SEZ6: variants seen among roughly 807,000 people sequenced by gnomAD.
The protein encoded by SEZ6 is seizure related 6 homolog.
SEZ6 carries 53 observed loss-of-function variants against 101.0 expected under a neutral mutation model. That is an observed-to-expected ratio of 0.52 (90% confidence interval 0.42 to 0.66). The LOEUF (loss-of-function observed/expected upper bound fraction) is 0.66, where lower values mean the gene tolerates loss of function less well. Ranked by LOEUF, SEZ6 falls within the 30% of genes least tolerant of loss-of-function variation. The pLI, the probability that SEZ6 is intolerant of heterozygous loss-of-function variation, is 0.00. For missense variants in SEZ6, 1,102 were observed against 1,289.4 expected (o/e 0.85, Z 2.23); for synonymous variants, 488 against 512.2 (o/e 0.95, Z 0.64).
Position 28,959,814 on chromosome 17 carries a change from C to T in SEZ6, c.1655G>A (p.Gly552Asp), listed in dbSNP as rs1364562946. ...FSSSTPTYPV[G>D]TTVEFSCDPG... ...GTCGCAGCTGAACTCCACAGTGGTA[C>T]CCACAGGGTAGGTGGGTGTGCTGCT... The change falls in exon 8 of 17, where the codon GGT becomes GAT. Residue 552 changes from glycine (G) to aspartate (D), a missense_variant. Gly to Asp is a moderately conservative substitution (Grantham distance 94, BLOSUM62 -1). Around this residue, in one of 3 missense-constraint regions of SEZ6, gnomAD observed 556 missense variants for 735.1 expected, o/e 0.76. Transcript: ENST00000317338. The surrounding 1 kb of genome is among the most constrained non-coding windows in gnomAD (Gnocchi z 4.4). The T allele has an allele frequency of 6.2e-7, 1 of 1,613,940 alleles. No homozygotes were observed. Among genetic ancestry groups the T allele is most frequent in the Non-Finnish European group, 8.5e-7 (1 of 1,179,862 alleles).
intron 1 of SEZ6, among the ~76,000 whole-genome samples, chr17:28,984,446 C>G (rs1200270605): frequency 6.6e-6 from 1 of 152,166 alleles, no homozygotes; most frequent in African/African-American, 2.4e-5. Flanking sequence ...GAGTAGGTAC[C>G]TGTGTGACTC....
At chr17:28,992,156 C>T (rs1042126727) in intron 1 of SEZ6, among the ~76,000 whole-genome samples, 4 of 152,190 alleles carry the variant, frequency 2.6e-5, no homozygotes, top group Admixed American at 2.6e-4. Flanking sequence ...AGCTGTCTTC[C>T]ACCTAGAGTG....
At chr17:28,996,395 G>A (rs989844497) in intron 1 of SEZ6, among the ~76,000 whole-genome samples, 1 of 152,078 alleles carries the variant, frequency 6.6e-6, no homozygotes, top group Admixed American at 6.5e-5. Context: ...AAGGGGCCCC[G>A]CCCACCCAGC....
chr17:28,955,805 CG>C lies in SEZ6; in HGVS notation c.*156del. Reference sequence around the variant, plus strand: ...AATAGGCCATGGTGGGCATCGCAGGCGGGGAAGGGCACAACTTCTTGAGGGC... The same window carrying C: ...AATAGGCCATGGTGGGCATCGCAGGCGGGAAGGGCACAACTTCTTGAGGGC... On this transcript the variant is annotated 3_prime_UTR_variant, in exon 17 of 17. Transcript: ENST00000317338. 1 of 863,830 alleles carries C rather than the reference CG, an allele frequency of 1.2e-6. No homozygotes were observed. The highest frequency in any genetic ancestry group is 1.9e-6 in the Non-Finnish European group (1 of 524,280). 53.5% of individuals were successfully genotyped at this position (863,830 alleles called of 1,614,324 possible). A position where few individuals can be genotyped will look rare whatever the true frequency, so the allele number is the denominator to read the frequency against.
At chr17:28,976,653 T>A (rs2041225289) in intron 3 of SEZ6, among the ~76,000 whole-genome samples, 1 of 152,176 alleles carries the variant, frequency 6.6e-6, no homozygotes, top group Admixed American at 6.5e-5. Context: ...CTGACACAAC[T>A]GTCAGCCTGG....
At chr17:29,004,394 G>T (rs912661175) in intron 1 of SEZ6, among the ~76,000 whole-genome samples, 17 of 152,154 alleles carry the variant, frequency 1.1e-4, no homozygotes, top group African/African-American at 3.9e-4. Context: ...GGGTCTTGCA[G>T]GACTCTTCCC....
At chr17:28,956,566 T>C (rs1187550869) in intron 14 of SEZ6, 99 bp from the exon 15 acceptor site, 1 of 1,456,408 alleles carries the variant, frequency 6.9e-7, no homozygotes, top group African/African-American at 1.4e-5. Context: ...CAGCTCCCTC[T>C]AGCTGGCTGG....
Position 28,956,201 on chromosome 17 carries a change from A to G in SEZ6, c.2910T>C (p.Ile970=). Residue 970 remains isoleucine (I), a synonymous_variant, in exon 16 of 17, where the codon ATT becomes ATC. Coordinates refer to ENST00000317338, the MANE Select transcript of SEZ6 (RefSeq NM_178860.5). ...GATTGTCAAACGCTGACTCTATGGT[A>G]ATGCGGTTGTAGGGGCGGGGGCGGG... ...PRPRPRPYNR[I]TIESAFDNPT... The G allele has an allele frequency of 3.9e-6, 2 of 516,148 alleles. No homozygotes were observed. Among genetic ancestry groups the G allele is most frequent in the Non-Finnish European group, 6.8e-6 (2 of 292,314 alleles). 32.0% of individuals were successfully genotyped at this position (516,148 alleles called of 1,614,324 possible).
intron 1 of SEZ6, among the ~76,000 whole-genome samples, chr17:28,983,772 GC>G (rs1311313497): frequency 6.6e-6 from 1 of 152,088 alleles, no homozygotes; most frequent in African/African-American, 2.4e-5. Flanking sequence ...GGGAAACACA[GC>G]CGGGGTGAGA....
Position 28,958,114 on chromosome 17 carries a change from T to C in SEZ6, c.2135A>G (p.Glu712Gly). 1 of 1,601,952 alleles carries C rather than the reference T, an allele frequency of 6.2e-7. No individual in the cohort carries two copies. The change falls in exon 11 of 17, where the codon GAG becomes GGG. Residue 712 changes from glutamate to glycine, a missense_variant. By Grantham distance (98) the Glu-to-Gly change is moderately conservative (BLOSUM62 -2). Coordinates refer to ENST00000317338, the MANE Select transcript of SEZ6 (RefSeq NM_178860.5). ...CCAGCCATTGGGGATCTCAGGCAGC[T>C]CCGGACATGTGTCATTGCGGGGCAC... The part of the protein sequence containing the change: ...FEVPRNDTCP[E>G]LPEIPNGWKS...
intron 1 of SEZ6, among the ~76,000 whole-genome samples, chr17:28,986,863 A>G (rs1598205024): frequency 6.6e-6 from 1 of 152,246 alleles, no homozygotes; most frequent in East Asian, 1.9e-4. Context: ...ATATACTGTC[A>G]CCCACCGCAG....
chr17:28,970,051 A>G (rs2041129485), intron 3 of SEZ6, 99 bp from the exon 4 acceptor site: 1 of 1,111,322 alleles, frequency 9.0e-7, no homozygotes, highest in Non-Finnish European at 1.2e-6. Flanking sequence ...GGGCAGATCA[A>G]TCCTCAATGC....
In SEZ6 at chr17:28,955,983, A is replaced by C; in HGVS notation, c.2964T>G (p.Phe988Leu). ...NPTYETGSLS[F>L]AGDERI The stretch of plus-strand genomic sequence containing the variant: ...GACTTCATATTCTCTCGTCTCCTGC[A>C]AAGGAAAGAGACTGCTGGGAGTTGG... The change falls in exon 17 of 17, where the codon TTT becomes TTG. Residue 988 changes from phenylalanine to leucine, a missense_variant. Around this residue, in one of 3 missense-constraint regions of SEZ6, gnomAD observed 140 missense variants for 135.7 expected, o/e 1.03. Coordinates refer to ENST00000317338, the MANE Select transcript of SEZ6 (RefSeq NM_178860.5). The C allele has an allele frequency of 1.2e-6, 2 of 1,612,882 alleles. No homozygotes were observed. The highest frequency in any genetic ancestry group is 1.7e-6 in the Non-Finnish European group (2 of 1,179,478).
At position 28,981,440 on chromosome 17, in the gene SEZ6, C is replaced by T. The variant is rs777068667; in HGVS notation, c.655G>A (p.Gly219Arg). 7.1e-6 allele frequency: 11 copies of T among 1,559,828 alleles called. No individual in the cohort carries two copies. In the South Asian group the frequency reaches 1.3e-4, roughly 18 times the overall value. Residue 219 changes from glycine to arginine, a missense_variant, in exon 2 of 17, where the codon GGA (glycine) becomes AGA (arginine). This residue lies in a region of SEZ6 where 406 missense variants were observed against 418.6 expected (regional missense o/e 0.97). Coordinates refer to ENST00000317338, the MANE Select transcript of SEZ6 (RefSeq NM_178860.5). Reference protein sequence around the residue: ...QGTITSSTASGDDEETTTTTT... With the variant: ...QGTITSSTASRDDEETTTTTT... ...GTAGTGGTGGTCTCCTCATCATCTCCTGAAGCTGTGGAGGAGGTGATGGTC... is the reference window on the plus strand; with the variant it reads ...GTAGTGGTGGTCTCCTCATCATCTCTTGAAGCTGTGGAGGAGGTGATGGTC...
At chr17:28,977,396 A>G (rs541365754) in intron 3 of SEZ6, among the ~76,000 whole-genome samples, 8 of 152,370 alleles carry the variant, frequency 5.3e-5, no homozygotes, top group African/African-American at 1.9e-4. Context: ...AGTGTCCCCA[A>G]GGACCCTGCC....
chr17:28,965,639 G>A (rs1055114845), intron 4 of SEZ6, among the ~76,000 whole-genome samples: 11 of 151,940 alleles, frequency 7.2e-5, no homozygotes, highest in South Asian at 2.1e-4. Context: ...TCCCTGTTTC[G>A]AAAAACAACA....
At chr17:28,978,671 C>T (rs1174228620) in intron 3 of SEZ6, among the ~76,000 whole-genome samples, 1 of 152,142 alleles carries the variant, frequency 6.6e-6, no homozygotes, top group Non-Finnish European at 1.5e-5. Context: ...TAGGGGTGGA[C>T]CCAGAGAGAC....
At chr17:28,973,174 C>G (rs1373415389) in intron 3 of SEZ6, among the ~76,000 whole-genome samples, 1 of 152,088 alleles carries the variant, frequency 6.6e-6, no homozygotes, top group East Asian at 1.9e-4. Flanking sequence ...TGGTAAAATA[C>G]CCACCAGTAA....
chr17:28,971,376 T>G (rs1391895742), intron 3 of SEZ6, among the ~76,000 whole-genome samples: 1 of 152,104 alleles, frequency 6.6e-6, no homozygotes, highest in Non-Finnish European at 1.5e-5. Context: ...GTGGATCACC[T>G]GAGGTCAGGA....
Sources: gnomAD v4.1 joint callset for allele counts (sites outside exome capture counted in the v4.1 genomes callset) on GRCh38, gnomAD v4.1.1 for gene constraint, gnomAD v4.1.1 regional missense constraint, Gnocchi (gnomAD v3.1) non-coding constraint, MANE v1.5 for transcripts, NCBI Gene and HGNC (gene_info 2026-07-23, HGNC 2026-07-21) for gene names.